PHF19: variants seen among roughly 807,000 people sequenced by gnomAD.
PHF19 encodes the protein polycomb like 3.
PHF19 carries 21 observed loss-of-function variants against 79.8 expected under a neutral mutation model. The observed-to-expected ratio is 0.26, with a 90% confidence interval of 0.19 to 0.38. The LOEUF is 0.38. PHF19 is among the 10% of genes least tolerant of loss of function. The pLI is 1.00. For missense variants in PHF19, 445 were observed against 744.2 expected (o/e 0.60, Z 4.68); for synonymous variants, 273 against 296.3 (o/e 0.92, Z 0.81).
At chr9:120,871,182 C>T (rs376114439) in intron 3 of PHF19, among the ~76,000 whole-genome samples, 3 of 152,192 alleles carry the variant, frequency 2.0e-5, no homozygotes, top group Non-Finnish European at 2.9e-5. Context: ...GGATTACACG[C>T]GTGAGCCACT....
At chr9:120,858,821 A>T (rs2045426171) in intron 14 of PHF19, among the ~76,000 whole-genome samples, 1 of 149,710 alleles carries the variant, frequency 6.7e-6, no homozygotes, top group African/African-American at 2.5e-5. Flanking sequence ...TCACACACAC[A>T]CACACACACA....
chr9:120,869,508 A>G lies in PHF19; in HGVS notation c.466-178T>C. 1.5e-6 allele frequency: 2 copies of G among 1,371,608 alleles called. No homozygotes were observed. The highest frequency in any genetic ancestry group is 1.5e-5 in the South Asian group (1 of 66,110). 85.0% of individuals were successfully genotyped at this position (1,371,608 alleles called of 1,614,324 possible). A position where few individuals can be genotyped will look rare whatever the true frequency, so the allele number is the denominator to read the frequency against. ...ATTCCAAACCCATCCCCTCTATCCC[A>G]GAAGGAACTCCGTTGATAACAGAAT... is the stretch of plus-strand genomic sequence containing the variant. On this transcript the variant is annotated intron_variant, in intron 5 of 14. Transcript: ENST00000373896. This position sits in a 1 kb window ranked among gnomAD's most constrained non-coding sequence, Gnocchi z 5.8.
chr9:120,869,344 A>G lies in PHF19; in HGVS notation c.466-14T>C, dbSNP rs201863962. 6.2e-4 allele frequency: 1,005 copies of G among 1,609,926 alleles called. 9 individuals carry two copies. In the African/African-American group the frequency reaches 0.012, roughly 19 times the overall value. ...CGCGCCGCCTTTCTGGGGGGAGACG[A>G]GGGCCCCAGTCAACCACCAGGTCCG... On this transcript the variant is annotated splice_polypyrimidine_tract_variant and intron_variant, in intron 5 of 14. Transcript: ENST00000373896. This position sits in a 1 kb window ranked among gnomAD's most constrained non-coding sequence, Gnocchi z 5.8.
In PHF19 at chr9:120,866,831, A is replaced by C; in HGVS notation, c.710+39T>G. ...TTGCTGCCATCCCTGCCCTCTCCCC[A>C]CCACGCCCAAGGCCCACTTGGACCA... On this transcript the variant is annotated intron_variant, in intron 7 of 14. Coordinates refer to ENST00000373896, the MANE Select transcript of PHF19 (RefSeq NM_015651.3). The surrounding 1 kb of genome is among the most constrained non-coding windows in gnomAD (Gnocchi z 5.2). The C allele has an allele frequency of 8.7e-7, 1 of 1,149,248 alleles. No homozygotes were observed. The allele number at this position is 1,149,248 out of a possible 1,614,324, so 71.2% of individuals were successfully genotyped here.
In PHF19 at chr9:120,862,480, C is replaced by A; in HGVS notation, c.1130+108G>T. On this transcript the variant is annotated intron_variant, in intron 11 of 14. Transcript: ENST00000373896. This position sits in a 1 kb window ranked among gnomAD's most constrained non-coding sequence, Gnocchi z 4.6. ...CCGCTCAGCCACTATCTAGCCCTCTCAGGGTCCTACAGCTGGGACTGGCTG... is the reference window on the plus strand; with the variant it reads ...CCGCTCAGCCACTATCTAGCCCTCTAAGGGTCCTACAGCTGGGACTGGCTG... 1 of 924,938 alleles carries A rather than the reference C, an allele frequency of 1.1e-6. No homozygotes were observed. Among genetic ancestry groups the A allele is most frequent in the South Asian group, 1.5e-5 (1 of 66,950 alleles). 57.3% of individuals were successfully genotyped at this position (924,938 alleles called of 1,614,324 possible). A position where few individuals can be genotyped will look rare whatever the true frequency, so the allele number is the denominator to read the frequency against.
Position 120,870,116 on chromosome 9 carries a change from G to C in PHF19, c.365-171C>G, listed in dbSNP as rs1024142175. ...CCAAGATGGCCAAGTCAGTGTCCAG[G>C]CTGGGAACTAAATGACAGCATTGGC... is the stretch of plus-strand genomic sequence containing the variant. On this transcript the variant is annotated intron_variant, in intron 4 of 14. Transcript: ENST00000373896. The surrounding 1 kb of genome is among the most constrained non-coding windows in gnomAD (Gnocchi z 4.4). 3.3e-5 allele frequency among the ~76,000 whole-genome samples: 5 copies of C among 152,120 alleles called. No homozygotes were observed. The highest frequency in any genetic ancestry group is 5.9e-5 in the Non-Finnish European group (4 of 67,994).
upstream of PHF19, among the ~76,000 whole-genome samples, chr9:120,897,806 C>A (rs1158408936): frequency 6.6e-6 from 1 of 151,618 alleles, no homozygotes; most frequent in African/African-American, 2.4e-5. Flanking sequence ...TGGTGAAACC[C>A]CATCTCTGCA....
At chr9:120,879,456 G>A (rs2046147657), upstream of PHF19, among the ~76,000 whole-genome samples, 1 of 152,210 alleles carries the variant, frequency 6.6e-6, no homozygotes, top group South Asian at 2.1e-4. Context: ...CCAGGGCGGG[G>A]TCTTGGGTTA....
At position 120,866,114 on chromosome 9, in the gene PHF19, CG is replaced by C; in HGVS notation, c.711-19del. 7 of 1,605,966 alleles carry C rather than the reference CG, an allele frequency of 4.4e-6. No homozygotes were observed. Among genetic ancestry groups the C allele is most frequent in the Non-Finnish European group, 6.0e-6 (7 of 1,172,736 alleles). On this transcript the variant is annotated intron_variant, in intron 7 of 14. Transcript: ENST00000373896. The surrounding 1 kb of genome is among the most constrained non-coding windows in gnomAD (Gnocchi z 5.2). ...GGTAAAACCTGTGGGTGGGTAGAGA[CG>C]GGGGCCTATGGTGGGAGGGGCTCTG... is the stretch of plus-strand genomic sequence containing the variant.
intron 1 of PHF19, among the ~76,000 whole-genome samples, chr9:120,883,383 G>A (rs1395847063): frequency 6.6e-6 from 1 of 152,184 alleles, no homozygotes; most frequent in African/African-American, 2.4e-5. Context: ...CATGTGTAGC[G>A]AACCATGCTG....
intron 3 of PHF19, among the ~76,000 whole-genome samples, chr9:120,871,091 C>T (rs796441147): frequency 3.9e-5 from 6 of 152,284 alleles, no homozygotes; most frequent in African/African-American, 1.4e-4. Context: ...TTAGTAGAGA[C>T]AGGCTTTTGC....
chr9:120,900,266 C>T, the PHF19 span, among the ~76,000 whole-genome samples: 7 of 152,190 alleles, frequency 4.6e-5, no homozygotes, highest in African/African-American at 1.7e-4. Flanking sequence ...GGATTACAGG[C>T]GTGAGCCACC....
chr9:120,901,327 G>A, the PHF19 span, among the ~76,000 whole-genome samples: 2 of 152,074 alleles, frequency 1.3e-5, no homozygotes, highest in Admixed American at 1.3e-4. Context: ...CGAGTAGCTG[G>A]GACTACAGGC....
At chr9:120,875,256 C>T (rs1341241851) in intron 1 of PHF19, among the ~76,000 whole-genome samples, 1 of 152,196 alleles carries the variant, frequency 6.6e-6, no homozygotes, top group East Asian at 1.9e-4. Context: ...TGGCTTGTAG[C>T]TAGTGTAGAC....
chr9:120,867,486 G>A (rs1369031345), intron 6 of PHF19, among the ~76,000 whole-genome samples: 2 of 152,244 alleles, frequency 1.3e-5, no homozygotes, highest in Non-Finnish European at 2.9e-5. Context: ...GGAATATGAA[G>A]AGCAAAATGC....
At chr9:120,903,382 C>A in the PHF19 span, 1 of 152,256 alleles carries the variant, frequency 6.6e-6, no homozygotes. Flanking sequence ...TGACAGGATG[C>A]CAGGCTTAGA....
chr9:120,864,262 C>G, intron 9 of PHF19, 146 bp from the exon 10 acceptor site: 2 of 667,210 alleles, frequency 3.0e-6, no homozygotes, highest in Admixed American at 2.4e-5. Context: ...CTCAGAAAAG[C>G]CTTTTCACCT....
intron 14 of PHF19, among the ~76,000 whole-genome samples, chr9:120,858,814 C>CAA (rs2045424925): frequency 8.9e-6 from 1 of 112,308 alleles, no homozygotes; most frequent in African/African-American, 4.0e-5. Context: ...ACAGACATCA[C>CAA]ACACACACAC....
At chr9:120,877,025 AAG>A (rs902818886) in intron 1 of PHF19, 64 bp downstream of exon 1, 107 of 983,844 alleles carry the variant, frequency 1.1e-4, no homozygotes, top group Non-Finnish European at 1.3e-4. Flanking sequence ...AGATTTCGAA[AAG>A]AGAGGGATGA....
Sources: allele counts gnomAD v4.1 joint callset (sites outside exome capture counted in the v4.1 genomes callset), GRCh38; gene constraint gnomAD v4.1.1; non-coding constraint Gnocchi (gnomAD v3.1); transcripts MANE v1.5; gene names NCBI Gene and HGNC (gene_info 2026-07-23, HGNC 2026-07-21).